The following ASTN1 variants were observed in gnomAD, a reference collection of about 807,000 sequenced individuals.
ASTN1 encodes the protein astrotactin 1.
Under a neutral mutation model 140.7 loss-of-function variants are expected in ASTN1, and 41 were observed. The observed-to-expected ratio is 0.29, with a 90% CI of 0.23 to 0.38. ASTN1 has a LOEUF of 0.38. Ranked by LOEUF, ASTN1 falls within the 10% of genes least tolerant of loss-of-function variation. The pLI is 1.00. For missense variants in ASTN1, 1,479 were observed against 1,678.8 expected (o/e 0.88, Z 2.08); for synonymous variants, 640 against 652.2 (o/e 0.98, Z 0.29).
intron 2 of ASTN1, among the ~76,000 whole-genome samples, chr1:177,036,278 C>T (rs1318263040): frequency 1.3e-5 from 2 of 151,822 alleles, no homozygotes; most frequent in Non-Finnish European, 2.9e-5. Context: ...AACTCCTGAC[C>T]TCAGGTGATC....
At chr1:176,936,015 A>G (rs757699726) in intron 15 of ASTN1, 7 of 539,808 alleles carry the variant, frequency 1.3e-5, no homozygotes, top group Admixed American at 2.9e-5. Context: ...TATACCTTCA[A>G]TGGCTCCAGT....
chr1:176,953,765 C>CTCTG (rs1375400011), intron 11 of ASTN1, among the ~76,000 whole-genome samples: 2 of 152,126 alleles, frequency 1.3e-5, no homozygotes, highest in African/African-American at 4.8e-5. Context: ...GAGCATAATG[C>CTCTG]TCTGGCAAGG....
intron 8 of ASTN1, among the ~76,000 whole-genome samples, chr1:176,990,452 A>C (rs1321499294): frequency 6.6e-6 from 1 of 151,992 alleles, no homozygotes; most frequent in East Asian, 1.9e-4. Flanking sequence ...AGAGGAAGAC[A>C]AGGAGGAAGA....
rs147230008 is a variant in ASTN1 at position 176,896,964 on chromosome 1, C to T, written c.2672-2134G>A. Among the ~76,000 whole-genome samples, 785 of 152,174 alleles carry T rather than the reference C, an allele frequency of 5.2e-3. 7 individuals carry two copies. The highest frequency in any genetic ancestry group is 6.7e-3 in the Non-Finnish European group (458 of 67,998). On this transcript the variant is annotated intron_variant, in intron 16 of 22. Transcript: ENST00000361833. ...CAGAAACCCAGTGCTTTTTTGTCAG[C>T]AAACTCTACTTCATTAAGAAAGTAA...
intron 16 of ASTN1, among the ~76,000 whole-genome samples, chr1:176,925,156 C>T (rs141623418): frequency 4.8e-4 from 73 of 152,260 alleles, no homozygotes; most frequent in African/African-American, 1.7e-3. Flanking sequence ...CAAAGAAAAG[C>T]CTTGGTCCAA....
chr1:176,969,770 G>A (rs1673055831), intron 8 of ASTN1, among the ~76,000 whole-genome samples: 1 of 152,154 alleles, frequency 6.6e-6, no homozygotes, highest in African/African-American at 2.4e-5. Flanking sequence ...TCAATGCAGG[G>A]CAAACCACTC....
At chr1:177,065,257 C>A (rs1267271067) in intron 1 of ASTN1, among the ~76,000 whole-genome samples, 6 of 152,142 alleles carry the variant, frequency 3.9e-5, no homozygotes, top group Non-Finnish European at 8.8e-5. Flanking sequence ...GGGAAGGTAT[C>A]CTGATTTCTG....
In ASTN1 at chr1:176,863,702, T is replaced by C; in HGVS notation, c.*582A>G. The C allele has an allele frequency of 2.0e-6, 2 of 985,898 alleles. No homozygotes were observed. Among genetic ancestry groups the C allele is most frequent in the African/African-American group, 1.7e-5 (1 of 57,356 alleles). 61.1% of individuals were successfully genotyped at this position (985,898 alleles called of 1,614,324 possible). On this transcript the variant is annotated 3_prime_UTR_variant, in exon 23 of 23. Coordinates refer to ENST00000361833, the MANE Select transcript of ASTN1 (RefSeq NM_004319.3). The stretch of plus-strand genomic sequence containing the variant: ...GAAAGCTGGTTTCACCTTTCGGGTA[T>C]GGAAATAGTGATAGCAAGGCCTAGG...
rs190696527 is a variant in ASTN1 at position 176,901,952 on chromosome 1, A to G, written c.2672-7122T>C. Among the ~76,000 whole-genome samples the G allele has an allele frequency of 8.2e-4, 125 of 152,314 alleles. 2 individuals are homozygous for G. The highest frequency in any genetic ancestry group is 7.7e-3 in the Admixed American group (117 of 15,290). On this transcript the variant is annotated intron_variant, in intron 16 of 22. Transcript: ENST00000361833. ...TTTGTTCCAAAATTAAGGTTACTAT[A>G]TGCTTCAGACCCTGTTCTTTGGTAA...
chr1:176,949,096 A>G, intron 12 of ASTN1, 89 bp downstream of exon 12: 1 of 1,540,524 alleles, frequency 6.5e-7, no homozygotes, highest in South Asian at 1.2e-5. Flanking sequence ...AGGGTGACCT[A>G]TTCACTCACA....
chr1:177,129,952 G>A (rs532527605), intron 1 of ASTN1, among the ~76,000 whole-genome samples: 3 of 152,138 alleles, frequency 2.0e-5, no homozygotes, highest in East Asian at 1.9e-4. Context: ...GGGCAACAGC[G>A]AGACTCCATC....
At chr1:176,929,772 G>T (rs1671124150) in intron 16 of ASTN1, among the ~76,000 whole-genome samples, 1 of 152,224 alleles carries the variant, frequency 6.6e-6, no homozygotes, top group African/African-American at 2.4e-5. Context: ...ACTTTGGGAG[G>T]CCGAGGCAGG....
intron 21 of ASTN1, among the ~76,000 whole-genome samples, chr1:176,869,644 G>A (rs12125009): frequency 2.6e-5 from 4 of 152,094 alleles, no homozygotes; most frequent in Admixed American, 6.5e-5. Flanking sequence ...CTGCTGGATC[G>A]CCACTGGGTC....
rs143274107 is a variant in ASTN1, at chr1:177,030,827, G to A, written c.991C>T (p.Arg331Trp). ...ATACCTCTTGCTTTGTTGTTGATCC[G>A]CTTTCTCTGGCTGCTGGAGGTGTGA... ...LSHTSSSQRKRINNKARAGSA... is the reference protein window; with the variant it reads ...LSHTSSSQRKWINNKARAGSA... Residue 331 changes from arginine to tryptophan, a missense_variant, in exon 4 of 23, where the codon CGG becomes TGG. Around this residue, in one of 3 missense-constraint regions of ASTN1, gnomAD observed 729 missense variants for 860.4 expected, o/e 0.85. Transcript: ENST00000361833. 16 of 1,614,004 alleles carry A rather than the reference G, an allele frequency of 9.9e-6. No individual in the cohort carries two copies. Among genetic ancestry groups the A allele is most frequent in the Admixed American group, 1.7e-5 (1 of 59,994 alleles).
At chr1:177,120,358 A>G (rs1319964623) in intron 1 of ASTN1, among the ~76,000 whole-genome samples, 2 of 152,164 alleles carry the variant, frequency 1.3e-5, no homozygotes, top group African/African-American at 4.8e-5. Flanking sequence ...CACTGATTAC[A>G]AGGACACCTG....
At chr1:177,055,449 G>A (rs755564818) in intron 2 of ASTN1, among the ~76,000 whole-genome samples, 12 of 152,306 alleles carry the variant, frequency 7.9e-5, no homozygotes, top group East Asian at 1.9e-4. Context: ...GCACATCAGC[G>A]TTTCAGAAAG....
chr1:176,984,952 A>G (rs1430233939), intron 8 of ASTN1, among the ~76,000 whole-genome samples: 1 of 152,208 alleles, frequency 6.6e-6, no homozygotes, highest in Non-Finnish European at 1.5e-5. Context: ...CCAACATGCC[A>G]TAGAGCAACT....
At position 177,088,362 on chromosome 1, in the gene ASTN1, T is replaced by C. The variant is rs563132293; in HGVS notation, c.284-27097A>G. Among the ~76,000 whole-genome samples, 120 of 152,126 alleles carry C rather than the reference T, an allele frequency of 7.9e-4. 1 individual carries two copies. The highest frequency in any genetic ancestry group is 1.5e-3 in the Non-Finnish European group (104 of 68,030). ...AGCCAAGCTCTCTTGGTGCTCTGCA[T>C]TCCACAAAAGGGGAAATCGAGGCAG... On this transcript the variant is annotated intron_variant, in intron 1 of 22. Transcript: ENST00000361833.
chr1:176,924,506 T>C (rs1227863823), intron 16 of ASTN1, among the ~76,000 whole-genome samples: 1 of 152,214 alleles, frequency 6.6e-6, no homozygotes, highest in Non-Finnish European at 1.5e-5. Context: ...TCATAAATTA[T>C]TGCCTTCATT....
Sources: gnomAD v4.1 joint callset for allele counts (sites outside exome capture counted in the v4.1 genomes callset) on GRCh38, gnomAD v4.1.1 for gene constraint, gnomAD v4.1.1 regional missense constraint, MANE v1.5 for transcripts, NCBI Gene and HGNC (gene_info 2026-07-23, HGNC 2026-07-21) for gene names.